INSYN2B: variants seen among roughly 807,000 people sequenced by gnomAD.
The protein encoded by INSYN2B is inhibitory synaptic factor family member 2B, also known as protein INSYN2B.
INSYN2B carries 16 observed loss-of-function variants against 41.2 expected under a neutral mutation model. The observed-to-expected ratio is 0.39, with a 90% CI of 0.26 to 0.59. The LOEUF is 0.59. Among genes scored for constraint, INSYN2B ranks in the 20% least tolerant of loss-of-function variants. The probability of loss-of-function intolerance (pLI) is 0.57; values close to 1 mark genes in which losing one functional copy is unlikely to be tolerated. For missense variants in INSYN2B, 608 were observed against 646.4 expected (o/e 0.94, Z 0.64); for synonymous variants, 245 against 244.4 (o/e 1.00, Z -0.02).
chr5:169,897,268 T>C (rs1435432351), intron 1 of INSYN2B, among the ~76,000 whole-genome samples: 1 of 152,084 alleles, frequency 6.6e-6, no homozygotes, highest in Non-Finnish European at 1.5e-5. Flanking sequence ...CACTGCACCT[T>C]CCACCTCCTG....
At chr5:169,867,041 C>T (rs1439903648) in intron 3 of INSYN2B, among the ~76,000 whole-genome samples, 2 of 152,226 alleles carry the variant, frequency 1.3e-5, no homozygotes, top group East Asian at 1.9e-4. Flanking sequence ...CCCAAAACCC[C>T]TTCTTTGGGT....
At chr5:169,962,644 C>G (rs1384933279) in intron 1 of INSYN2B, among the ~76,000 whole-genome samples, 2 of 152,108 alleles carry the variant, frequency 1.3e-5, no homozygotes, top group Non-Finnish European at 2.9e-5. Flanking sequence ...GATCCCTAAC[C>G]TCTAGGAACG....
chr5:169,937,214 G>A (rs1157910070), intron 1 of INSYN2B, among the ~76,000 whole-genome samples: 2 of 152,372 alleles, frequency 1.3e-5, no homozygotes, highest in African/African-American at 4.8e-5. Flanking sequence ...GAGGAGTTGA[G>A]TAGTGGTGAC....
intron 3 of INSYN2B, among the ~76,000 whole-genome samples, chr5:169,880,036 C>A (rs1236300889): frequency 6.6e-6 from 1 of 152,158 alleles, no homozygotes; most frequent in Non-Finnish European, 1.5e-5. Context: ...TTTGTCCCTT[C>A]TAATGATTAG....
At chr5:169,935,230 CTGTT>C (rs1235346100) in intron 1 of INSYN2B, among the ~76,000 whole-genome samples, 1 of 152,204 alleles carries the variant, frequency 6.6e-6, no homozygotes, top group Non-Finnish European at 1.5e-5. Context: ...AATTTGTACA[CTGTT>C]TGCTGTGAGT....
intron 1 of INSYN2B, among the ~76,000 whole-genome samples, chr5:169,939,524 A>G (rs1332091882): frequency 2.0e-5 from 3 of 151,982 alleles, no homozygotes; most frequent in African/African-American, 2.4e-5. Context: ...GTCGTTTATT[A>G]TTATTGTCAA....
intron 1 of INSYN2B, among the ~76,000 whole-genome samples, chr5:169,962,403 G>C (rs1445531560): frequency 6.6e-6 from 1 of 152,176 alleles, no homozygotes; most frequent in Non-Finnish European, 1.5e-5. Context: ...ACCGGAAAGT[G>C]GGGGAGGATG....
At chr5:169,941,351 G>C (rs1776237901) in intron 1 of INSYN2B, among the ~76,000 whole-genome samples, 1 of 152,150 alleles carries the variant, frequency 6.6e-6, no homozygotes, top group Non-Finnish European at 1.5e-5. Context: ...GGGATTACAG[G>C]CCTGTGCCCC....
At chr5:169,916,981 GGACT>G (rs1220156601) in intron 1 of INSYN2B, among the ~76,000 whole-genome samples, 1 of 152,124 alleles carries the variant, frequency 6.6e-6, no homozygotes, top group Admixed American at 6.5e-5. Flanking sequence ...TCCAAATCCA[GGACT>G]GAATTCGTTC....
At chr5:169,976,412 A>G (rs1278858590) in intron 1 of INSYN2B, among the ~76,000 whole-genome samples, 1 of 152,206 alleles carries the variant, frequency 6.6e-6, no homozygotes, top group Non-Finnish European at 1.5e-5. Context: ...GATTACTGAC[A>G]GGATTCAGTA....
At chr5:169,874,157 A>C (rs1172463331) in intron 3 of INSYN2B, among the ~76,000 whole-genome samples, 1 of 152,182 alleles carries the variant, frequency 6.6e-6, no homozygotes, top group East Asian at 1.9e-4. Context: ...TCATGCCTGT[A>C]ATCCCAACAC....
chr5:169,923,032 T>C (rs1264613074), intron 1 of INSYN2B, among the ~76,000 whole-genome samples: 1 of 152,190 alleles, frequency 6.6e-6, no homozygotes, highest in Non-Finnish European at 1.5e-5. Flanking sequence ...TTCACAGATG[T>C]GGAAACTAAT....
intron 1 of INSYN2B, among the ~76,000 whole-genome samples, chr5:169,915,788 A>G (rs538132036): frequency 2.0e-5 from 3 of 152,348 alleles, no homozygotes; most frequent in Non-Finnish European, 4.4e-5. Context: ...TACATATGGA[A>G]ATCAATGATA....
intron 1 of INSYN2B, among the ~76,000 whole-genome samples, chr5:169,978,371 GTGTA>G (rs1443496736): frequency 4.8e-5 from 4 of 82,520 alleles, no homozygotes; most frequent in Non-Finnish European, 6.6e-5. Context: ...TCCTGGCTCT[GTGTA>G]TGTGTGTGTG....
intron 1 of INSYN2B, among the ~76,000 whole-genome samples, chr5:169,886,316 C>G (rs1772968094): frequency 1.3e-5 from 2 of 152,146 alleles, no homozygotes; most frequent in African/African-American, 4.8e-5. Context: ...AGGAGATGAA[C>G]CTACTGGTCC....
chr5:169,879,222 C>CA (rs1340059620), intron 3 of INSYN2B, among the ~76,000 whole-genome samples: 3 of 152,200 alleles, frequency 2.0e-5, no homozygotes, highest in African/African-American at 7.2e-5. Flanking sequence ...TGTACAGTGA[C>CA]ATGCACTGAG....
At chr5:169,969,613 T>A (rs1777427307) in intron 1 of INSYN2B, among the ~76,000 whole-genome samples, 2 of 152,198 alleles carry the variant, frequency 1.3e-5, no homozygotes, top group African/African-American at 4.8e-5. Context: ...TGCGGAGGCA[T>A]TCCCTAGAGG....
intron 2 of INSYN2B, 102 bp downstream of exon 2, chr5:169,882,451 T>C: frequency 1.0e-6 from 1 of 983,460 alleles, no homozygotes; most frequent in Non-Finnish European, 1.5e-6. Flanking sequence ...CTTCAAACAT[T>C]TTGGAGACAT....
chr5:169,903,118 G>A lies in INSYN2B; in HGVS notation c.-918-18302C>T, dbSNP rs182831282. 9.2e-4 allele frequency among the ~76,000 whole-genome samples: 139 copies of A among 151,656 alleles called. 1 individual carries two copies. Among genetic ancestry groups the A allele is most frequent in the African/African-American group, 3.3e-3 (136 of 41,384 alleles). ...TCTCAAAAAAAAAAGAAAGAAAGGG[G>A]TGAATTTCAATGTAAGGTGGTCATG... On this transcript the variant is annotated intron_variant, in intron 1 of 3. Coordinates refer to ENST00000377365, the MANE Select transcript of INSYN2B (RefSeq NM_001129891.3).
Sources: allele counts gnomAD v4.1 joint callset (sites outside exome capture counted in the v4.1 genomes callset), GRCh38; gene constraint gnomAD v4.1.1; transcripts MANE v1.5; gene names NCBI Gene and HGNC (gene_info 2026-07-23, HGNC 2026-07-21).